The following SPATA6L variants were observed in gnomAD, a reference collection of about 807,000 sequenced individuals.
The protein encoded by SPATA6L is spermatogenesis associated 6-like protein.
In SPATA6L, 68 loss-of-function variants were observed where a neutral mutation model predicts 49.2. The ratio of observed to expected loss-of-function variants is 1.38; its 90% CI spans 1.14 to 1.69. SPATA6L has a LOEUF of 1.69. Ranked by LOEUF, SPATA6L falls within the 40% of genes most tolerant of loss-of-function variation. SPATA6L has a pLI of 0.00. For missense variants in SPATA6L, 668 were observed against 464.3 expected (o/e 1.44, Z -4.03); for synonymous variants, 198 against 165.7 (o/e 1.19, Z -1.50).
At chr9:4,649,572 G>A (rs1836333712) in intron 3 of SPATA6L, among the ~76,000 whole-genome samples, 1 of 152,214 alleles carries the variant, frequency 6.6e-6, no homozygotes, top group Admixed American at 6.5e-5. Context: ...TGACAGGGCT[G>A]TATTTGAACC....
At chr9:4,597,936 C>T (rs1332688467), downstream of SPATA6L, among the ~76,000 whole-genome samples, 3 of 152,232 alleles carry the variant, frequency 2.0e-5, no homozygotes, top group African/African-American at 7.2e-5. Context: ...ACTGGCTATA[C>T]TGAGAGTAGC....
intron 4 of SPATA6L, among the ~76,000 whole-genome samples, chr9:4,632,550 C>T (rs1361271004): frequency 1.3e-5 from 2 of 149,938 alleles, no homozygotes; most frequent in South Asian, 2.1e-4. Flanking sequence ...GAGCCGAGAT[C>T]GCTGCACTGC....
At chr9:4,631,516 A>G (rs1831540903) in intron 4 of SPATA6L, among the ~76,000 whole-genome samples, 1 of 152,224 alleles carries the variant, frequency 6.6e-6, no homozygotes, top group East Asian at 1.9e-4. Flanking sequence ...ATGAGACTAG[A>G]TAATATTGCA....
At chr9:4,614,994 A>C (rs755727084) in intron 9 of SPATA6L, among the ~76,000 whole-genome samples, 6 of 152,086 alleles carry the variant, frequency 3.9e-5, no homozygotes, top group Non-Finnish European at 8.8e-5. Context: ...TCAGCCAACA[A>C]AGGTCCCCCT....
intron 3 of SPATA6L, among the ~76,000 whole-genome samples, chr9:4,648,778 G>C (rs927555197): frequency 6.6e-6 from 1 of 151,928 alleles, no homozygotes; most frequent in Non-Finnish European, 1.5e-5. Context: ...CCCATCACCC[G>C]AGCAGTACAC....
In SPATA6L at chr9:4,637,993, T is replaced by A. The variant is rs79865142; in HGVS notation, c.227-2594A>T. On this transcript the variant is annotated intron_variant, in intron 3 of 11. Coordinates refer to ENST00000682582, the MANE Select transcript of SPATA6L (RefSeq NM_001353486.2). The stretch of plus-strand genomic sequence containing the variant: ...ATACATTCAAAAAACACTTCATTCA[T>A]TGAGAACCTCCTATGTAGTAAGACT... 2.9e-3 allele frequency among the ~76,000 whole-genome samples: 443 copies of A among 152,292 alleles called. 1 individual carries two copies. The highest frequency in any genetic ancestry group is 5.2e-3 in the Non-Finnish European group (353 of 68,020).
chr9:4,662,694 CT>C lies in SPATA6L; in HGVS notation c.40-659del, dbSNP rs1216730716. The C allele has an allele frequency of 1.4e-5, 22 of 1,601,266 alleles. No homozygotes were observed. Among genetic ancestry groups the C allele is most frequent in the Non-Finnish European group, 1.8e-5 (21 of 1,179,892 alleles). On this transcript the variant is annotated intron_variant, in intron 1 of 11. Transcript: ENST00000682582. The surrounding 1 kb of genome is among the most constrained non-coding windows in gnomAD (Gnocchi z 4.9). ...CCTGGGCATCGCCCTGCGCTCCCTG[CT>C]GGCCATCGACCTGTGGCTGTCCAAG... is the stretch of plus-strand genomic sequence containing the variant.
chr9:4,621,268 G>C (rs1051727800), intron 7 of SPATA6L, among the ~76,000 whole-genome samples: 1 of 152,148 alleles, frequency 6.6e-6, no homozygotes, highest in Non-Finnish European at 1.5e-5. Context: ...CCTACAAGGG[G>C]TTCCTTAACC....
At chr9:4,613,835 C>T (rs1185336462) in intron 9 of SPATA6L, among the ~76,000 whole-genome samples, 2 of 152,150 alleles carry the variant, frequency 1.3e-5, no homozygotes, top group African/African-American at 2.4e-5. Context: ...CCACCCACCT[C>T]GCTTCCCAAA....
In SPATA6L at chr9:4,591,542, T is replaced by C. The variant is rs539281533; in HGVS notation, c.*255-2581A>G. Among the ~76,000 whole-genome samples the C allele has an allele frequency of 4.0e-4, 61 of 152,354 alleles. 1 individual carries two copies. The South Asian group carries it at 0.013, about 32-fold the overall frequency. ...TAGAGGGACACTGGCTGATCCATCC[T>C]CAACACCTGCTTCTGTCTTCCCAGC... On this transcript the variant is annotated intron_variant and NMD_transcript_variant, in intron 13 of 13. Transcript: ENST00000461761.
chr9:4,646,072 T>C (rs546863190), intron 3 of SPATA6L, among the ~76,000 whole-genome samples: 9 of 152,234 alleles, frequency 5.9e-5, no homozygotes, highest in South Asian at 2.1e-4. Context: ...CTGGGGACTA[T>C]AGTTTACCAA....
chr9:4,594,303 G>A (rs976565330), downstream of SPATA6L, among the ~76,000 whole-genome samples: 4 of 152,242 alleles, frequency 2.6e-5, no homozygotes, highest in Non-Finnish European at 5.9e-5. Flanking sequence ...TCTGCCTCCC[G>A]GGTTCATGCC....
At chr9:4,626,753 CCAGA>C (rs1830426232) in intron 5 of SPATA6L, 1 of 332,524 alleles carries the variant, frequency 3.0e-6, no homozygotes, top group South Asian at 2.7e-5. Context: ...AAATGAATGG[CCAGA>C]CAGATTACAG....
intron 2 of SPATA6L, among the ~76,000 whole-genome samples, chr9:4,660,925 A>G (rs371991668): frequency 2.0e-5 from 3 of 152,166 alleles, no homozygotes; most frequent in Non-Finnish European, 1.5e-5. Flanking sequence ...GCAAACTATC[A>G]CAAGGACAGA....
chr9:4,602,175 C>T (rs895718542), intron 11 of SPATA6L, among the ~76,000 whole-genome samples: 1 of 152,014 alleles, frequency 6.6e-6, no homozygotes, highest in Non-Finnish European at 1.5e-5. Flanking sequence ...CTCTCTATCC[C>T]CCCACATCAA....
chr9:4,642,810 T>G (rs140789636), intron 3 of SPATA6L, among the ~76,000 whole-genome samples: 1 of 151,926 alleles, frequency 6.6e-6, no homozygotes, highest in Non-Finnish European at 1.5e-5. Context: ...AAATAAGAAT[T>G]TATAACAAAA....
intron 3 of SPATA6L, among the ~76,000 whole-genome samples, chr9:4,641,209 T>A (rs1833963101): frequency 6.6e-6 from 1 of 152,158 alleles, no homozygotes; most frequent in South Asian, 2.1e-4. Flanking sequence ...CACGTAACTA[T>A]ATATACTAAA....
rs147861699 is a variant in SPATA6L at position 4,599,118 on chromosome 9, A to G, written c.*1693T>C. On this transcript the variant is annotated 3_prime_UTR_variant, in exon 12 of 12. Transcript: ENST00000682582. ...ATACAGGTAGCCTGAAGGTAATTTT[A>G]TACATGATTTTAAATAATTTGGAGC... is the stretch of plus-strand genomic sequence containing the variant. Among the ~76,000 whole-genome samples, 1 of 152,338 alleles carries G rather than the reference A, an allele frequency of 6.6e-6. No individual in the cohort carries two copies. Among genetic ancestry groups the G allele is most frequent in the East Asian group, 1.9e-4 (1 of 5,184 alleles).
At chr9:4,628,109 T>C (rs926273880) in intron 5 of SPATA6L, 1 of 273,538 alleles carries the variant, frequency 3.7e-6, no homozygotes, top group Non-Finnish European at 7.1e-6. Flanking sequence ...CTGGGAAGGG[T>C]CATGAGAGCT....
Sources: allele counts gnomAD v4.1 joint callset (sites outside exome capture counted in the v4.1 genomes callset), GRCh38; gene constraint gnomAD v4.1.1; non-coding constraint Gnocchi (gnomAD v3.1); transcripts MANE v1.5; gene names NCBI Gene and HGNC (gene_info 2026-07-23, HGNC 2026-07-21).